Variants in MAP1B observed in about 807,000 individuals in gnomAD.
The protein encoded by MAP1B is microtubule-associated protein 1B.
MAP1B carries 12 observed loss-of-function variants against 176.1 expected under a neutral mutation model. The observed-to-expected ratio is 0.07, with a 90% confidence interval of 0.04 to 0.11. The LOEUF (loss-of-function observed/expected upper bound fraction) is 0.11. MAP1B is among the 10% of genes least tolerant of loss of function. The pLI is 1.00. For missense variants in MAP1B, 2,523 were observed against 2,990.5 expected, an observed-to-expected ratio of 0.84 and a Z score of 3.65; for synonymous variants, 1,044 against 1,135.0, an observed-to-expected ratio of 0.92 and a Z score of 1.61.
intron 2 of MAP1B, among the ~76,000 whole-genome samples, chr5:72,121,503 C>T (rs1210511599): frequency 2.0e-5 from 3 of 152,186 alleles, no homozygotes; most frequent in Admixed American, 2.0e-4. Flanking sequence ...CGAACCACAG[C>T]TGAGCATCTT....
intron 2 of MAP1B, among the ~76,000 whole-genome samples, chr5:72,123,448 C>G (rs1745567090): frequency 6.6e-6 from 1 of 151,566 alleles, no homozygotes; most frequent in Non-Finnish European, 1.5e-5. Flanking sequence ...GGACTACCAG[C>G]CTGCCACTAT....
At chr5:72,193,731 A>G (rs905067236) in intron 4 of MAP1B, 135 bp from the exon 5 acceptor site, 7 of 945,114 alleles carry the variant, frequency 7.4e-6, no homozygotes, top group African/African-American at 1.7e-5. Flanking sequence ...CAACATCACT[A>G]TGAGAGTGCA....
rs1747293763 is a variant in MAP1B at position 72,199,971 on chromosome 5, C to A, written c.6616C>A (p.Gln2206Lys). The change falls in exon 5 of 7, where the codon CAA (glutamine) becomes AAA (lysine). Residue 2206 changes from glutamine (Q) to lysine (K), a missense_variant. Gln to Lys is a moderately conservative substitution (Grantham distance 53). This residue lies in a region of MAP1B where 287 missense variants were observed against 401.5 expected (regional missense o/e 0.71). Coordinates refer to ENST00000296755, the MANE Select transcript of MAP1B (RefSeq NM_005909.5). The surrounding 1 kb of genome is among the most constrained non-coding windows in gnomAD (Gnocchi z 4.2). The part of the protein sequence containing the change: ...KHMDPPPAPV[Q>K]DRSPSPRHPD... ...CATGGACCCACCTCCAGCTCCCGTG[C>A]AAGACCGCAGCCCTTCGCCACGCCA... 6.2e-7 allele frequency: 1 copy of A among 1,614,098 alleles called. No individual in the cohort carries two copies. Among genetic ancestry groups the A allele is most frequent in the Non-Finnish European group, 8.5e-7 (1 of 1,180,052 alleles).
intron 1 of MAP1B, among the ~76,000 whole-genome samples, chr5:72,114,721 C>T (rs924475943): frequency 1.7e-4 from 26 of 152,248 alleles, no homozygotes; most frequent in African/African-American, 6.0e-4. Context: ...TCTGGGCCAT[C>T]CCCTTTGGGA....
intron 1 of MAP1B, among the ~76,000 whole-genome samples, chr5:72,109,297 A>G (rs961200317): frequency 6.6e-6 from 1 of 152,186 alleles, no homozygotes; most frequent in Non-Finnish European, 1.5e-5. Flanking sequence ...AAAAAATTCA[A>G]GAACAAGAGA....
rs548980869 is a variant in MAP1B, at chr5:72,156,187, TTGCTACTCCTGGCTGCCAC to T, written c.287-27552_287-27534del. Among the ~76,000 whole-genome samples the T allele has an allele frequency of 5.8e-3, 877 of 152,286 alleles. 10 individuals carry two copies. Among genetic ancestry groups the T allele is most frequent in the Middle Eastern group, 0.027 (8 of 294 alleles). ...TCCTTTATGGCACCCACCACCACACTTGCTACTCCTGGCTGCCACTGCATGAAGGCAACAGGAAAGCCCA... is the reference window on the plus strand; with the variant it reads ...TCCTTTATGGCACCCACCACCACACTTGCATGAAGGCAACAGGAAAGCCCA... On this transcript the variant is annotated intron_variant, in intron 2 of 6. Coordinates refer to ENST00000296755, the MANE Select transcript of MAP1B (RefSeq NM_005909.5).
rs1747087714 is a variant in MAP1B, at chr5:72,194,009, T to C, written c.654T>C (p.Ser218=). 6.2e-7 allele frequency: 1 copy of C among 1,614,206 alleles called. No homozygotes were observed. The highest frequency in any genetic ancestry group is 8.5e-7 in the Non-Finnish European group (1 of 1,180,038). ...TCAATATTAAACTCAATTCAGCTTCTATCTTGCCAGAAATGGAAGGACTTT... is the reference window on the plus strand; with the variant it reads ...TCAATATTAAACTCAATTCAGCTTCCATCTTGCCAGAAATGGAAGGACTTT... ...DFINIKLNSA[S]ILPEMEGLSE... Residue 218 remains serine (S), a synonymous_variant, in exon 5 of 7, where the codon TCT becomes TCC. Transcript: ENST00000296755. This position sits in a 1 kb window ranked among gnomAD's most constrained non-coding sequence, Gnocchi z 7.2.
intron 2 of MAP1B, among the ~76,000 whole-genome samples, chr5:72,176,458 C>A (rs573348289): frequency 6.6e-6 from 1 of 152,198 alleles, no homozygotes; most frequent in Non-Finnish European, 1.5e-5. Context: ...AGTCAGTAAA[C>A]CTCAGCTCTT....
At chr5:72,155,180 G>T (rs2112171527) in intron 2 of MAP1B, among the ~76,000 whole-genome samples, 1 of 152,238 alleles carries the variant, frequency 6.6e-6, no homozygotes, top group Admixed American at 6.5e-5. Flanking sequence ...CAACAAAATT[G>T]TTAAACTCCT....
Position 72,194,520 on chromosome 5 carries a change from A to C in MAP1B, c.1165A>C (p.Asn389His). ...AGCCTGCTTCACTCTCCAGTACCTA[A>C]ACAAATTGTCCATGAAACCAGAACC... ...EEACFTLQYL[N>H]KLSMKPEPLF... Residue 389 changes from asparagine (N) to histidine (H), a missense_variant, in exon 5 of 7, where the codon AAC becomes CAC. Coordinates refer to ENST00000296755, the MANE Select transcript of MAP1B (RefSeq NM_005909.5). The surrounding 1 kb of genome is among the most constrained non-coding windows in gnomAD (Gnocchi z 7.2). The C allele has an allele frequency of 1.9e-6, 3 of 1,614,138 alleles. No homozygotes were observed. In the African/African-American group the frequency reaches 4.0e-5, roughly 22 times the overall value.
intron 2 of MAP1B, among the ~76,000 whole-genome samples, chr5:72,126,486 T>C (rs764412848): frequency 3.2e-4 from 49 of 152,348 alleles, no homozygotes; most frequent in Middle Eastern, 3.4e-3. Flanking sequence ...ACCATACATT[T>C]CCTTAGCCTA....
chr5:72,152,237 T>A (rs530006279), intron 2 of MAP1B, among the ~76,000 whole-genome samples: 1 of 152,124 alleles, frequency 6.6e-6, no homozygotes, highest in Non-Finnish European at 1.5e-5. Flanking sequence ...AAAAAGTAGA[T>A]GTTTTTTTCC....
intron 2 of MAP1B, among the ~76,000 whole-genome samples, chr5:72,120,734 T>C (rs1745513694): frequency 6.6e-6 from 1 of 152,130 alleles, no homozygotes; most frequent in African/African-American, 2.4e-5. Context: ...CCCCACCTCA[T>C]AGTTTCAATG....
intron 2 of MAP1B, among the ~76,000 whole-genome samples, chr5:72,127,618 TA>T (rs959770591): frequency 9.9e-5 from 15 of 151,288 alleles, no homozygotes; most frequent in African/African-American, 2.7e-4. Context: ...TTAAAAAAGT[TA>T]AAAAAAAACC....
chr5:72,123,700 G>A (rs1449169051), intron 2 of MAP1B, among the ~76,000 whole-genome samples: 1 of 152,136 alleles, frequency 6.6e-6, no homozygotes. Flanking sequence ...TAGCCAGGAT[G>A]GTCTCGATCT....
intron 2 of MAP1B, among the ~76,000 whole-genome samples, chr5:72,123,434 G>C (rs973869202): frequency 2.0e-5 from 3 of 151,742 alleles, no homozygotes; most frequent in Non-Finnish European, 4.4e-5. Context: ...CTCTGAAATA[G>C]CTGGGACTAC....
intron 2 of MAP1B, among the ~76,000 whole-genome samples, chr5:72,167,285 A>C (rs771453962): frequency 1.3e-5 from 2 of 152,042 alleles, no homozygotes; most frequent in African/African-American, 2.4e-5. Context: ...TGTTAATTGG[A>C]TTTTTTTTAA....
chr5:72,177,352 C>T lies in MAP1B; in HGVS notation c.287-6391C>T, dbSNP rs559730777. Among the ~76,000 whole-genome samples the T allele has an allele frequency of 1.0e-4, 15 of 148,138 alleles. 1 individual carries two copies. The highest frequency in any genetic ancestry group is 4.0e-4 in the Admixed American group (6 of 15,114). On this transcript the variant is annotated intron_variant, in intron 2 of 6. Coordinates refer to ENST00000296755, the MANE Select transcript of MAP1B (RefSeq NM_005909.5). ...CCTCTTTCTCTTCCTCTCTGTTTTT[C>T]GTGCTTAGAAATGATGTGGTGGGAT...
At chr5:72,129,449 C>T (rs796812711) in intron 2 of MAP1B, among the ~76,000 whole-genome samples, 9 of 151,670 alleles carry the variant, frequency 5.9e-5, no homozygotes, top group Non-Finnish European at 1.0e-4. Flanking sequence ...CCCAGCTACT[C>T]GGGAGGCTGA....
Sources: gnomAD v4.1 joint callset for allele counts (sites outside exome capture counted in the v4.1 genomes callset) on GRCh38, gnomAD v4.1.1 for gene constraint, gnomAD v4.1.1 regional missense constraint, Gnocchi (gnomAD v3.1) non-coding constraint, MANE v1.5 for transcripts, NCBI Gene and HGNC (gene_info 2026-07-23, HGNC 2026-07-21) for gene names.